The following NELL2 variants were observed in gnomAD, a reference collection of about 807,000 sequenced individuals.
NELL2 encodes neural EGFL like 2.
Under a neutral mutation model 109.6 loss-of-function variants are expected in NELL2, and 41 were observed. The observed-to-expected ratio is 0.37, with a 90% CI of 0.29 to 0.49. The LOEUF (loss-of-function observed/expected upper bound fraction) is 0.49, where lower values mean the gene tolerates loss of function less well. Ranked by LOEUF, NELL2 falls within the 20% of genes least tolerant of loss-of-function variation. The pLI, the probability that NELL2 is intolerant of heterozygous loss-of-function variation, is 0.98. For missense variants in NELL2, 900 were observed against 1,008.3 expected (o/e 0.89, Z 1.45); for synonymous variants, 355 against 344.7 (o/e 1.03, Z -0.33).
At chr12:44,733,774 A>G (rs1939497728) in intron 9 of NELL2, among the ~76,000 whole-genome samples, 2 of 151,986 alleles carry the variant, frequency 1.3e-5, no homozygotes, top group Non-Finnish European at 2.9e-5. Context: ...GGGAGGAAGG[A>G]AGGAAAGAAG....
At chr12:44,569,565 T>A (rs1943783913) in intron 15 of NELL2, among the ~76,000 whole-genome samples, 2 of 152,166 alleles carry the variant, frequency 1.3e-5, no homozygotes, top group Non-Finnish European at 2.9e-5. Flanking sequence ...GTGAAAATAG[T>A]TTTAGTTTAT....
intron 5 of NELL2, 123 bp downstream of exon 5, chr12:44,779,540 G>T: frequency 1.3e-6 from 1 of 745,890 alleles, no homozygotes; most frequent in Non-Finnish European, 2.2e-6. Flanking sequence ...AAATGAAACA[G>T]ACACAAATTT....
intron 3 of NELL2, among the ~76,000 whole-genome samples, chr12:44,807,523 A>G (rs1361031370): frequency 6.6e-6 from 1 of 151,940 alleles, no homozygotes; most frequent in Non-Finnish European, 1.5e-5. Context: ...TTAGACGTCA[A>G]TGTTTTAAAA....
chr12:44,732,517 T>C (rs1592419021), intron 9 of NELL2, among the ~76,000 whole-genome samples: 1 of 152,030 alleles, frequency 6.6e-6, no homozygotes. Flanking sequence ...AAGAATGAAA[T>C]TAGACCTCTA....
At chr12:44,510,937 G>A (rs1940973268) in intron 19 of NELL2, among the ~76,000 whole-genome samples, 1 of 152,156 alleles carries the variant, frequency 6.6e-6, no homozygotes, top group Non-Finnish European at 1.5e-5. Context: ...GCCCAACAAA[G>A]TGATGGGTGT....
chr12:44,582,064 A>T (rs1944343756), intron 15 of NELL2, among the ~76,000 whole-genome samples: 1 of 152,200 alleles, frequency 6.6e-6, no homozygotes, highest in Non-Finnish European at 1.5e-5. Context: ...CTTTCATTTA[A>T]ATCTCAAAGA....
chr12:44,840,611 G>A (rs983158807), intron 2 of NELL2, among the ~76,000 whole-genome samples: 7 of 151,730 alleles, frequency 4.6e-5, no homozygotes, highest in African/African-American at 1.7e-4. Context: ...ACTCCAGCCT[G>A]GGCGACAGAG....
chr12:44,630,723 A>G (rs1465286737), intron 13 of NELL2, among the ~76,000 whole-genome samples: 2 of 152,168 alleles, frequency 1.3e-5, no homozygotes, highest in Non-Finnish European at 2.9e-5. Flanking sequence ...CAGTCATAAT[A>G]ATGAAGAAAT....
intron 9 of NELL2, among the ~76,000 whole-genome samples, chr12:44,750,737 T>C (rs929650399): frequency 3.3e-5 from 5 of 152,074 alleles, no homozygotes; most frequent in Non-Finnish European, 5.9e-5. Context: ...ATAATAGATA[T>C]ACCGCACATA....
intron 16 of NELL2, among the ~76,000 whole-genome samples, chr12:44,527,136 T>C (rs979058248): frequency 1.4e-4 from 22 of 152,216 alleles, no homozygotes; most frequent in Non-Finnish European, 2.5e-4. Context: ...CATTTATATT[T>C]TTTCTCAAAA....
intron 15 of NELL2, among the ~76,000 whole-genome samples, chr12:44,576,347 A>G (rs984854948): frequency 6.6e-6 from 1 of 152,142 alleles, no homozygotes; most frequent in African/African-American, 2.4e-5. Flanking sequence ...TCACTAAACC[A>G]TGAGCTCCTT....
intron 1 of NELL2, among the ~76,000 whole-genome samples, chr12:44,919,243 G>A (rs1193718090): frequency 6.6e-6 from 1 of 152,052 alleles, no homozygotes; most frequent in African/African-American, 2.4e-5. Flanking sequence ...AATAGTGCCT[G>A]TCTCTTAAGA....
intron 16 of NELL2, among the ~76,000 whole-genome samples, chr12:44,528,243 T>G (rs1941896250): frequency 6.6e-6 from 1 of 151,992 alleles, no homozygotes; most frequent in African/African-American, 2.4e-5. Context: ...GTTTTTTGTT[T>G]TTTTAAATAA....
chr12:44,911,967 A>G (rs1346101075), intron 1 of NELL2, among the ~76,000 whole-genome samples: 5 of 151,138 alleles, frequency 3.3e-5, no homozygotes, highest in Non-Finnish European at 7.4e-5. Flanking sequence ...CTTAAAGTAT[A>G]ATAATAATAA....
At chr12:44,647,050 C>T (rs1206055927) in intron 13 of NELL2, among the ~76,000 whole-genome samples, 1 of 152,208 alleles carries the variant, frequency 6.6e-6, no homozygotes, top group South Asian at 2.1e-4. Flanking sequence ...GGGCGTTCTG[C>T]TCAAGACAAA....
At chr12:44,541,008 G>A (rs1281135464) in intron 15 of NELL2, among the ~76,000 whole-genome samples, 4 of 151,794 alleles carry the variant, frequency 2.6e-5, no homozygotes, top group Admixed American at 2.0e-4. Flanking sequence ...CGCTTTGGGA[G>A]GCTGAGGTGG....
intron 15 of NELL2, among the ~76,000 whole-genome samples, chr12:44,537,473 T>C (rs912063347): frequency 2.0e-5 from 3 of 152,048 alleles, no homozygotes; most frequent in African/African-American, 7.2e-5. Flanking sequence ...TTTGGATGAG[T>C]CTACTGTTTT....
intron 9 of NELL2, among the ~76,000 whole-genome samples, chr12:44,763,503 A>G (rs1223293870): frequency 6.6e-6 from 1 of 152,168 alleles, no homozygotes. Context: ...ACAAACAAAC[A>G]AACAAAAGGC....
chr12:44,920,439 T>C (rs1945860500), intron 1 of NELL2, among the ~76,000 whole-genome samples: 1 of 152,180 alleles, frequency 6.6e-6, no homozygotes, highest in Non-Finnish European at 1.5e-5. Context: ...TGTTTTGTAT[T>C]GAATTTGAAT....
Sources: gnomAD v4.1 joint callset for allele counts (sites outside exome capture counted in the v4.1 genomes callset) on GRCh38, gnomAD v4.1.1 for gene constraint, MANE v1.5 for transcripts, NCBI Gene and HGNC (gene_info 2026-07-23, HGNC 2026-07-21) for gene names.